The following MGLL variants were observed in gnomAD, a reference collection of about 807,000 sequenced individuals.
MGLL encodes monoglyceride lipase.
A neutral mutation model predicts 29.1 loss-of-function variants in MGLL; 7 were observed. The ratio of observed to expected loss-of-function variants is 0.24; its 90% CI spans 0.14 to 0.45. The LOEUF (loss-of-function observed/expected upper bound fraction) is 0.45. MGLL is among the 20% of genes least tolerant of loss of function. The pLI is 0.99. For missense variants in MGLL, 356 were observed against 413.6 expected (o/e 0.86, Z 1.21); for synonymous variants, 148 against 168.3 (o/e 0.88, Z 0.93).
intron 3 of MGLL, among the ~76,000 whole-genome samples, chr3:127,726,204 A>AAGAAAGAAAGAC (rs1418107624): frequency 8.7e-6 from 1 of 115,478 alleles, no homozygotes; most frequent in Non-Finnish European, 2.0e-5. Flanking sequence ...GAAAGAAAGA[A>AAGAAAGAAAGAC]AGACAGAAGG....
At position 127,691,882 on chromosome 3, in the gene MGLL, C is replaced by A. The variant is rs925350796; in HGVS notation, c.*316G>T. On this transcript the variant is annotated 3_prime_UTR_variant, in exon 8 of 8. Coordinates refer to ENST00000265052, the MANE Select transcript of MGLL (RefSeq NM_007283.7). The stretch of plus-strand genomic sequence containing the variant: ...GGGAACACCAGGAATTCCTGGAACC[C>A]TTGTGGGAGCTGGGAGAGGCAGGGC... 1 of 363,502 alleles carries A rather than the reference C, an allele frequency of 2.8e-6. No individual in the cohort carries two copies. The highest frequency in any genetic ancestry group is 2.1e-5 in the African/African-American group (1 of 47,258). The allele number at this position is 363,502 out of a possible 1,614,324, so 22.5% of individuals were successfully genotyped here.
At chr3:127,736,751 G>A (rs1315099432) in intron 3 of MGLL, among the ~76,000 whole-genome samples, 2 of 152,218 alleles carry the variant, frequency 1.3e-5, no homozygotes, top group Non-Finnish European at 2.9e-5. Flanking sequence ...CTGGAGTGCA[G>A]TGGTGCAATC....
intron 3 of MGLL, among the ~76,000 whole-genome samples, chr3:127,748,400 GAGAGAGAA>G (rs1409800809): frequency 5.4e-5 from 8 of 148,012 alleles, no homozygotes; most frequent in African/African-American, 2.0e-4. Context: ...GAGGGAGAGA[GAGAGAGAA>G]AGAGAGAGAG....
intron 3 of MGLL, among the ~76,000 whole-genome samples, chr3:127,757,804 G>A (rs1236288276): frequency 6.6e-6 from 1 of 152,178 alleles, no homozygotes; most frequent in African/African-American, 2.4e-5. Flanking sequence ...TGACCCAGAT[G>A]TGTTCAGCCA....
intron 2 of MGLL, among the ~76,000 whole-genome samples, chr3:127,788,665 G>A (rs900665218): frequency 1.3e-5 from 2 of 152,114 alleles, no homozygotes; most frequent in African/African-American, 2.4e-5. Context: ...TGCCCTCTGC[G>A]CACTCCGCAG....
intron 5 of MGLL, 186 bp from the exon 6 acceptor site, chr3:127,710,851 T>C: frequency 1.5e-6 from 1 of 653,124 alleles, no homozygotes. Flanking sequence ...TCAGCCTCTA[T>C]TCAGCCTGGC....
intron 3 of MGLL, among the ~76,000 whole-genome samples, chr3:127,752,798 G>C (rs35585592): frequency 0.037 from 5,664 of 152,122 alleles, 148 homozygotes; most frequent in South Asian, 0.066. Flanking sequence ...ACCTCCCACC[G>C]CTCTCAGGCT....
At chr3:127,747,065 G>A (rs1190504826) in intron 3 of MGLL, among the ~76,000 whole-genome samples, 1 of 152,190 alleles carries the variant, frequency 6.6e-6, no homozygotes, top group Non-Finnish European at 1.5e-5. Context: ...CCCTGTCTCT[G>A]TTCCCTTCTC....
At chr3:127,778,812 T>C (rs1035956633) in intron 3 of MGLL, among the ~76,000 whole-genome samples, 1 of 152,168 alleles carries the variant, frequency 6.6e-6, no homozygotes, top group African/African-American at 2.4e-5. Flanking sequence ...GGTACAATGG[T>C]GTGATCATGG....
chr3:127,706,353 C>G (rs1393166316), intron 6 of MGLL, among the ~76,000 whole-genome samples: 3 of 152,188 alleles, frequency 2.0e-5, no homozygotes, highest in Non-Finnish European at 4.4e-5. Flanking sequence ...TCAGTGTGTC[C>G]TGTATTTTGC....
intron 3 of MGLL, among the ~76,000 whole-genome samples, chr3:127,725,486 CA>C (rs1394262860): frequency 6.6e-6 from 1 of 152,100 alleles, no homozygotes; most frequent in East Asian, 1.9e-4. Context: ...CAAGCAAATA[CA>C]AATATAAATC....
chr3:127,817,963 C>T (rs545201007), intron 2 of MGLL, among the ~76,000 whole-genome samples: 8 of 152,286 alleles, frequency 5.3e-5, no homozygotes, highest in African/African-American at 1.2e-4. Flanking sequence ...CAGTATCCCC[C>T]CCTTTTTCTT....
At chr3:127,701,444 C>T (rs6776142) in intron 6 of MGLL, among the ~76,000 whole-genome samples, 39,964 of 152,038 alleles carry the variant, frequency 0.26, 5,408 homozygotes, top group Middle Eastern at 0.49. Context: ...GTCCCTGTCA[C>T]GCAGAGATAA....
intron 3 of MGLL, among the ~76,000 whole-genome samples, chr3:127,743,578 A>AAAG (rs2076385490): frequency 6.7e-6 from 1 of 148,492 alleles, no homozygotes; most frequent in African/African-American, 2.5e-5. Flanking sequence ...ATGCTAAAAA[A>AAAG]AAAAAAAAAA....
chr3:127,715,801 T>C (rs373014198), intron 5 of MGLL: 1 of 456,684 alleles, frequency 2.2e-6, no homozygotes, highest in South Asian at 1.5e-5. Flanking sequence ...TCCCACAACC[T>C]CCATCCTGAG....
chr3:127,751,612 G>T (rs75719466), intron 3 of MGLL, among the ~76,000 whole-genome samples: 3,358 of 151,984 alleles, frequency 0.022, 137 homozygotes, highest in African/African-American at 0.076. Context: ...GAGCCCAGAC[G>T]CATGCACTGG....
intron 2 of MGLL, among the ~76,000 whole-genome samples, chr3:127,798,854 T>C (rs1030945083): frequency 6.6e-6 from 1 of 152,136 alleles, no homozygotes; most frequent in Non-Finnish European, 1.5e-5. Flanking sequence ...CCCCAGTCAC[T>C]GGGGCCCTGG....
intron 2 of MGLL, among the ~76,000 whole-genome samples, chr3:127,813,617 G>A (rs1317992856): frequency 6.6e-6 from 1 of 152,174 alleles, no homozygotes; most frequent in East Asian, 1.9e-4. Context: ...TCAGGAGGCT[G>A]CCCTGCAGCC....
At chr3:127,770,682 T>A (rs688623) in intron 3 of MGLL, among the ~76,000 whole-genome samples, 146,405 of 152,292 alleles carry the variant, frequency 0.96, 70,580 homozygotes, top group Non-Finnish European at 1. Context: ...TATGGAATAG[T>A]CTCCAGGAGG....
Sources: allele counts gnomAD v4.1 joint callset (sites outside exome capture counted in the v4.1 genomes callset), GRCh38; gene constraint gnomAD v4.1.1; transcripts MANE v1.5; gene names NCBI Gene and HGNC (gene_info 2026-07-23, HGNC 2026-07-21).